Variants in ANO2 observed in about 807,000 individuals in gnomAD.
The protein encoded by ANO2 is anoctamin-2.
ANO2 carries 101 observed loss-of-function variants against 124.2 expected under a neutral mutation model. The ratio of observed to expected loss-of-function variants is 0.81; its 90% CI spans 0.69 to 0.96. The LOEUF (loss-of-function observed/expected upper bound fraction) is 0.96, where lower values mean the gene tolerates loss of function less well. Ranked by LOEUF, ANO2 falls within the 40% of genes least tolerant of loss-of-function variation. ANO2 has a pLI of 0.00. For missense variants in ANO2, 1,293 were observed against 1,274.5 expected (o/e 1.01, Z -0.22); for synonymous variants, 486 against 482.5 (o/e 1.01, Z -0.09).
At chr12:5,832,374 G>C (rs558448943) in intron 5 of ANO2, 78 bp downstream of exon 5, 1 of 1,556,040 alleles carries the variant, frequency 6.4e-7, no homozygotes, top group East Asian at 2.3e-5. Flanking sequence ...GGGAGCCCCA[G>C]GGCTGAGTCA....
chr12:5,767,642 C>G (rs532719579), intron 10 of ANO2, among the ~76,000 whole-genome samples: 35 of 152,278 alleles, frequency 2.3e-4, no homozygotes, highest in Admixed American at 7.8e-4. Flanking sequence ...GATGGTGAAA[C>G]AGTTGATGGT....
intron 3 of ANO2, among the ~76,000 whole-genome samples, chr12:5,903,029 T>C (rs1335620940): frequency 6.6e-6 from 1 of 151,050 alleles, no homozygotes; most frequent in Non-Finnish European, 1.5e-5. Flanking sequence ...GTATATGACA[T>C]GGGGGTCTTA....
chr12:5,583,146 AACAC>A (rs1250117967), intron 20 of ANO2, among the ~76,000 whole-genome samples: 2 of 152,232 alleles, frequency 1.3e-5, no homozygotes, highest in South Asian at 4.2e-4. Context: ...CCAGTTGTGA[AACAC>A]ACACACACAT....
At position 5,913,276 on chromosome 12, in the gene ANO2, G is replaced by T. The variant is rs962291706; in HGVS notation, c.534+7764C>A. Among the ~76,000 whole-genome samples the T allele has an allele frequency of 3.3e-5, 5 of 152,168 alleles. No homozygotes were observed. In the East Asian group the frequency reaches 5.8e-4, roughly 18 times the overall value. ...CTGCTTCAAGACAAGTTTTATATAGGTAAGAGTGAGGAAGACAGCGGCAAG... is the reference window on the plus strand; with the variant it reads ...CTGCTTCAAGACAAGTTTTATATAGTTAAGAGTGAGGAAGACAGCGGCAAG... On this transcript the variant is annotated intron_variant, in intron 3 of 24. Transcript: ENST00000682330.
intron 14 of ANO2, among the ~76,000 whole-genome samples, chr12:5,711,263 T>C (rs970345781): frequency 3.3e-5 from 5 of 152,130 alleles, no homozygotes. Context: ...GCCATTCTCA[T>C]GGTGATCAGC....
intron 20 of ANO2, 77 bp from the exon 21 acceptor site, chr12:5,578,595 C>T: frequency 6.9e-7 from 1 of 1,452,134 alleles, no homozygotes; most frequent in African/African-American, 1.4e-5. Flanking sequence ...AGCTACAGCC[C>T]CTTGTCCTTT....
intron 19 of ANO2, chr12:5,609,229 G>A (rs1411956365): frequency 6.6e-6 from 1 of 152,188 alleles, no homozygotes; most frequent in Non-Finnish European, 1.5e-5. Context: ...GCAGGGAACG[G>A]GGGGCACAGC....
intron 22 of ANO2, 22 bp from the exon 23 acceptor site, chr12:5,576,037 A>G: frequency 1.3e-6 from 2 of 1,582,054 alleles, no homozygotes; most frequent in Non-Finnish European, 1.7e-6. Flanking sequence ...AACCATAAGC[A>G]CTGAGTAGCC....
intron 14 of ANO2, among the ~76,000 whole-genome samples, chr12:5,708,476 C>T (rs954738483): frequency 3.9e-5 from 6 of 152,192 alleles, no homozygotes; most frequent in Admixed American, 2.6e-4. Flanking sequence ...CCAACACTTC[C>T]TTCTACCATG....
chr12:5,827,907 C>A (rs948520209), intron 6 of ANO2, 87 bp from the exon 7 acceptor site: 7 of 1,456,706 alleles, frequency 4.8e-6, no homozygotes, highest in East Asian at 2.5e-5. Flanking sequence ...CTGGCAGGGG[C>A]GGGAGGCGCC....
At chr12:5,903,470 G>A (rs1204476152) in intron 3 of ANO2, among the ~76,000 whole-genome samples, 1 of 152,194 alleles carries the variant, frequency 6.6e-6, no homozygotes, top group African/African-American at 2.4e-5. Flanking sequence ...CTGAAGTGAT[G>A]TGAAGTATCA....
intron 14 of ANO2, among the ~76,000 whole-genome samples, chr12:5,694,670 CT>C (rs1949094777): frequency 6.6e-6 from 1 of 152,138 alleles, no homozygotes; most frequent in African/African-American, 2.4e-5. Context: ...AATTTTGCCC[CT>C]GGAAAGAATT....
chr12:5,870,750 G>C (rs1480362580), intron 3 of ANO2, among the ~76,000 whole-genome samples: 1 of 152,164 alleles, frequency 6.6e-6, no homozygotes, highest in Admixed American at 6.5e-5. Flanking sequence ...CTCAGGATGA[G>C]GTACCTCCCT....
intron 7 of ANO2, among the ~76,000 whole-genome samples, chr12:5,823,060 G>A (rs1953855046): frequency 6.6e-6 from 1 of 152,146 alleles, no homozygotes; most frequent in Admixed American, 6.5e-5. Context: ...ACAACACATG[G>A]GAATTCTGGG....
At chr12:5,923,318 C>A (rs978380812) in intron 1 of ANO2, among the ~76,000 whole-genome samples, 6 of 151,386 alleles carry the variant, frequency 4.0e-5, no homozygotes, top group African/African-American at 2.4e-5. Flanking sequence ...GGAGCTCCTT[C>A]GGATCATGGC....
intron 14 of ANO2, among the ~76,000 whole-genome samples, chr12:5,670,231 T>C (rs555167655): frequency 2.0e-5 from 3 of 152,328 alleles, no homozygotes; most frequent in African/African-American, 7.2e-5. Context: ...CCTCTGGCCA[T>C]GTTACAGTAG....
At position 5,908,317 on chromosome 12, in the gene ANO2, G is replaced by A. The variant is rs1036831704; in HGVS notation, c.534+12723C>T. Among the ~76,000 whole-genome samples, 15 of 152,254 alleles carry A rather than the reference G, an allele frequency of 9.9e-5. No individual in the cohort carries two copies. The highest frequency in any genetic ancestry group is 3.4e-4 in the African/African-American group (14 of 41,472). On this transcript the variant is annotated intron_variant, in intron 3 of 24. Coordinates refer to ENST00000682330, the MANE Select transcript of ANO2 (RefSeq NM_001364791.2). This position sits in a 1 kb window ranked among gnomAD's most constrained non-coding sequence, Gnocchi z 4.7. ...TCCCTGGGCTGGAAGAGCCCAGAAA[G>A]AACGGATCAACAGCATGGGCTAAAA...
At chr12:5,630,376 G>T (rs1591775639) in intron 16 of ANO2, among the ~76,000 whole-genome samples, 1 of 152,306 alleles carries the variant, frequency 6.6e-6, no homozygotes, top group East Asian at 1.9e-4. Flanking sequence ...ATCTCTGCCT[G>T]TGGGGATACT....
intron 3 of ANO2, among the ~76,000 whole-genome samples, chr12:5,867,342 C>T (rs148688776): frequency 6.6e-6 from 1 of 152,298 alleles, no homozygotes; most frequent in African/African-American, 2.4e-5. Context: ...CACTTGTATG[C>T]AAACCCCAAG....
Sources: gnomAD v4.1 joint callset for allele counts (sites outside exome capture counted in the v4.1 genomes callset) on GRCh38, gnomAD v4.1.1 for gene constraint, Gnocchi (gnomAD v3.1) non-coding constraint, MANE v1.5 for transcripts, NCBI Gene and HGNC (gene_info 2026-07-23, HGNC 2026-07-21) for gene names.